ZFAT: variants seen among roughly 807,000 people sequenced by gnomAD.
ZFAT encodes the protein zinc finger protein ZFAT.
A neutral mutation model predicts 117.7 loss-of-function variants in ZFAT; 64 were observed. The observed-to-expected ratio is 0.54, with a 90% CI of 0.44 to 0.67. ZFAT has a LOEUF of 0.67. Ranked by LOEUF, ZFAT falls within the 30% of genes least tolerant of loss-of-function variation. ZFAT has a pLI of 0.00. For synonymous variants in ZFAT, 679 were observed against 615.0 expected (o/e 1.10, Z -1.54); for missense variants, 1,433 against 1,584.5 (o/e 0.90, Z 1.62).
chr8:134,613,519 C>T (rs566313812), intron 3 of ZFAT, among the ~76,000 whole-genome samples: 1 of 152,344 alleles, frequency 6.6e-6, no homozygotes, highest in South Asian at 2.1e-4. Context: ...AATCTCATCT[C>T]TCCCCTCACC....
At chr8:134,629,470 C>G (rs938581027) in intron 3 of ZFAT, among the ~76,000 whole-genome samples, 6 of 151,792 alleles carry the variant, frequency 4.0e-5, no homozygotes, top group Admixed American at 3.3e-4. Context: ...CATGTGATTC[C>G]CTGCTGGCTG....
intron 14 of ZFAT, 128 bp from the exon 15 acceptor site, chr8:134,509,877 G>A (rs866933591): frequency 1.7e-4 from 205 of 1,207,822 alleles, no homozygotes; most frequent in Middle Eastern, 7.1e-4. Flanking sequence ...CTCCGTAATC[G>A]CTCAGTTTGA....
chr8:134,630,539 C>G (rs1478510552), intron 3 of ZFAT, among the ~76,000 whole-genome samples: 1 of 152,140 alleles, frequency 6.6e-6, no homozygotes, highest in Non-Finnish European at 1.5e-5. Context: ...TTGTCTTTGA[C>G]AGGAAGAATT....
At chr8:134,526,811 T>C (rs1821053685) in intron 12 of ZFAT, among the ~76,000 whole-genome samples, 1 of 151,426 alleles carries the variant, frequency 6.6e-6, no homozygotes, top group African/African-American at 2.4e-5. Context: ...TCTATGAAGG[T>C]GAAGATGCTA....
At chr8:134,479,725 C>A (rs756644031) in intron 15 of ZFAT, among the ~76,000 whole-genome samples, 8 of 152,102 alleles carry the variant, frequency 5.3e-5, no homozygotes, top group Non-Finnish European at 1.2e-4. Flanking sequence ...GGGGAGAGCA[C>A]GTGCTTTGTC....
chr8:134,601,925 C>CA lies in ZFAT; in HGVS notation c.1793dup (p.Leu598PhefsTer5). The CA allele has an allele frequency of 6.2e-7, 1 of 1,613,994 alleles. No individual in the cohort carries two copies. Among genetic ancestry groups the CA allele is most frequent in the Non-Finnish European group, 8.5e-7 (1 of 1,179,954 alleles). On this transcript the variant is annotated frameshift_variant, in exon 6 of 16. Transcript: ENST00000377838. LOFTEE classifies it high-confidence loss of function. ...CTGCGGAGGAGGTATCATTTTTCAACAAAAAATCATCTGAAACCACCTCTT... is the reference window on the plus strand; with the variant it reads ...CTGCGGAGGAGGTATCATTTTTCAACAAAAAAATCATCTGAAACCACCTCTT...
At chr8:134,714,070 C>T (rs1319226311), upstream of ZFAT, among the ~76,000 whole-genome samples, 1 of 146,926 alleles carries the variant, frequency 6.8e-6, no homozygotes, top group Non-Finnish European at 1.5e-5. Flanking sequence ...TTTCAAAAAT[C>T]AGTCAACTTA....
At chr8:134,642,004 T>C (rs1195845624) in intron 2 of ZFAT, among the ~76,000 whole-genome samples, 1 of 152,220 alleles carries the variant, frequency 6.6e-6, no homozygotes, top group Non-Finnish European at 1.5e-5. Context: ...AAGCCCTTTA[T>C]TTGTGCATCA....
chr8:134,724,937 C>T, the ZFAT span, among the ~76,000 whole-genome samples: 1 of 152,164 alleles, frequency 6.6e-6, no homozygotes, highest in Non-Finnish European at 1.5e-5. Context: ...CACCTCTCCA[C>T]CTGTGCTCTC....
intron 15 of ZFAT, among the ~76,000 whole-genome samples, chr8:134,499,244 C>T (rs1422124644): frequency 1.6e-5 from 2 of 124,836 alleles, no homozygotes; most frequent in African/African-American, 6.2e-5. Flanking sequence ...TGGTTACACA[C>T]AGAGCCTGAT....
the ZFAT span, among the ~76,000 whole-genome samples, chr8:134,778,268 C>A: frequency 1.3e-5 from 2 of 152,150 alleles, no homozygotes; most frequent in East Asian, 1.9e-4. Context: ...TATATGGCAC[C>A]AGATATGGAG....
At chr8:134,515,406 A>G (rs983796554) in intron 13 of ZFAT, among the ~76,000 whole-genome samples, 13 of 152,188 alleles carry the variant, frequency 8.5e-5, no homozygotes, top group African/African-American at 3.1e-4. Context: ...CGACGGGCAA[A>G]CTAATTTACA....
chr8:134,543,849 C>T (rs1046527905), intron 11 of ZFAT, among the ~76,000 whole-genome samples: 2 of 152,154 alleles, frequency 1.3e-5, no homozygotes, highest in African/African-American at 4.8e-5. Flanking sequence ...CGTGGGATGA[C>T]ACTGTATAAA....
chr8:134,513,984 G>A (rs922349782), intron 13 of ZFAT, among the ~76,000 whole-genome samples: 2 of 152,244 alleles, frequency 1.3e-5, no homozygotes, highest in Admixed American at 6.5e-5. Flanking sequence ...TCCAGGCAAT[G>A]CCTGAGCCCG....
chr8:134,503,728 C>A (rs1399357113), intron 15 of ZFAT, among the ~76,000 whole-genome samples: 2 of 152,138 alleles, frequency 1.3e-5, no homozygotes, highest in South Asian at 2.1e-4. Context: ...AGCCTTCAAG[C>A]CAGGACACTG....
At chr8:134,612,932 G>C (rs1828449297) in intron 3 of ZFAT, among the ~76,000 whole-genome samples, 1 of 152,150 alleles carries the variant, frequency 6.6e-6, no homozygotes, top group Non-Finnish European at 1.5e-5. Context: ...CCTAACAGCA[G>C]TTTTCATTTT....
At chr8:134,549,624 CA>C (rs761880644) in intron 11 of ZFAT, among the ~76,000 whole-genome samples, 15 of 150,490 alleles carry the variant, frequency 1.0e-4, no homozygotes, top group Middle Eastern at 6.9e-3. Context: ...GTGGGCAACT[CA>C]AAAAAAAATG....
chr8:134,541,727 A>T (rs1385319429), intron 11 of ZFAT, among the ~76,000 whole-genome samples: 1 of 152,236 alleles, frequency 6.6e-6, no homozygotes, highest in East Asian at 1.9e-4. Context: ...ATCAACCATG[A>T]TCCACTGAAA....
At chr8:134,560,878 C>T (rs969736993) in intron 11 of ZFAT, among the ~76,000 whole-genome samples, 3 of 152,212 alleles carry the variant, frequency 2.0e-5, no homozygotes, top group South Asian at 2.1e-4. Flanking sequence ...AGGAATAAGC[C>T]TATTTTTGTT....
Sources: gnomAD v4.1 joint callset for allele counts (sites outside exome capture counted in the v4.1 genomes callset) on GRCh38, gnomAD v4.1.1 for gene constraint, MANE v1.5 for transcripts, NCBI Gene and HGNC (gene_info 2026-07-23, HGNC 2026-07-21) for gene names.